TRIM33: variants seen among roughly 807,000 people sequenced by gnomAD.
TRIM33 encodes E3 ubiquitin-protein ligase TRIM33.
TRIM33 carries 20 observed loss-of-function variants against 125.4 expected under a neutral mutation model. The observed-to-expected ratio is 0.16, with a 90% CI of 0.11 to 0.23. TRIM33 has a LOEUF of 0.23. TRIM33 is among the 10% of genes least tolerant of loss of function. The probability of loss-of-function intolerance (pLI) is 1.00; values close to 1 mark genes in which losing one functional copy is unlikely to be tolerated. For synonymous variants in TRIM33, 564 were observed against 513.9 expected (o/e 1.10, Z -1.32); for missense variants, 920 against 1,411.4 (o/e 0.65, Z 5.58).
intron 1 of TRIM33, among the ~76,000 whole-genome samples, chr1:114,500,945 C>T (rs1652674498): frequency 1.5e-5 from 1 of 65,008 alleles, no homozygotes; most frequent in Non-Finnish European, 3.3e-5. Flanking sequence ...AATCCCAGCA[C>T]TTTGGGAGGC....
intron 11 of TRIM33, 94 bp from the exon 12 acceptor site, chr1:114,410,410 C>T: frequency 3.9e-6 from 5 of 1,278,482 alleles, no homozygotes; most frequent in Non-Finnish European, 5.4e-6. Context: ...TATTAATAAA[C>T]TAACAGATTA....
chr1:114,442,823 T>C (rs950860454), intron 4 of TRIM33, among the ~76,000 whole-genome samples: 1 of 152,010 alleles, frequency 6.6e-6, no homozygotes, highest in African/African-American at 2.4e-5. Context: ...GATTTACCAG[T>C]ATTCTTAAAA....
At chr1:114,445,020 A>G (rs1395411809) in intron 4 of TRIM33, among the ~76,000 whole-genome samples, 1 of 152,224 alleles carries the variant, frequency 6.6e-6, no homozygotes, top group African/African-American at 2.4e-5. Context: ...GAAAAGTACA[A>G]TAACTGAAAT....
At chr1:114,412,414 G>T (rs1278886553) in intron 11 of TRIM33, among the ~76,000 whole-genome samples, 1 of 152,152 alleles carries the variant, frequency 6.6e-6, no homozygotes, top group Non-Finnish European at 1.5e-5. Context: ...TACCTGATGT[G>T]AAAGTTTAAC....
chr1:114,399,636 A>T (rs1651749623), intron 17 of TRIM33, 27 bp from the exon 18 acceptor site: 1 of 1,541,462 alleles, frequency 6.5e-7, no homozygotes, highest in Non-Finnish European at 8.8e-7. Context: ...ATGGCAAATA[A>T]GAATTCTCCA....
chr1:114,446,019 A>G (rs571913353), intron 4 of TRIM33, among the ~76,000 whole-genome samples: 2 of 152,154 alleles, frequency 1.3e-5, no homozygotes, highest in African/African-American at 4.8e-5. Flanking sequence ...TCCCACGCCC[A>G]GCTAATTTTT....
chr1:114,465,606 GC>G (rs1557881558), intron 1 of TRIM33, among the ~76,000 whole-genome samples: 3 of 152,166 alleles, frequency 2.0e-5, no homozygotes, highest in East Asian at 1.9e-4. Flanking sequence ...TTTGAGGCCA[GC>G]CTGGACAACA....
At chr1:114,487,654 T>C (rs1374314197) in intron 1 of TRIM33, among the ~76,000 whole-genome samples, 1 of 151,374 alleles carries the variant, frequency 6.6e-6, no homozygotes, top group Middle Eastern at 3.4e-3. Flanking sequence ...TCCCAGCACT[T>C]TGGGAGGCCG....
At chr1:114,459,144 T>C (rs981915176) in intron 4 of TRIM33, among the ~76,000 whole-genome samples, 1 of 152,166 alleles carries the variant, frequency 6.6e-6, no homozygotes, top group African/African-American at 2.4e-5. Context: ...AAATGACCAA[T>C]GGCTGGGGAC....
intron 10 of TRIM33, among the ~76,000 whole-genome samples, chr1:114,424,188 T>G (rs1424867543): frequency 6.6e-6 from 1 of 152,134 alleles, no homozygotes; most frequent in Non-Finnish European, 1.5e-5. Flanking sequence ...TTAGCTCTGT[T>G]ACTCTCAAAG....
At chr1:114,495,501 A>G (rs1413413793) in intron 1 of TRIM33, among the ~76,000 whole-genome samples, 2 of 152,228 alleles carry the variant, frequency 1.3e-5, no homozygotes, top group South Asian at 2.1e-4. Context: ...TTATAGGCAA[A>G]TAAGATAACA....
chr1:114,487,903 C>CAAAAAA lies in TRIM33; in HGVS notation c.526+22642_526+22647dup, dbSNP rs573681532. 1.9e-3 allele frequency among the ~76,000 whole-genome samples: 70 copies of CAAAAAA among 36,634 alleles called. 4 individuals carry two copies. The highest frequency in any genetic ancestry group is 0.019 in the Middle Eastern group (1 of 54). 24.0% of individuals were successfully genotyped at this position (36,634 alleles called of 152,430 possible). A position where few individuals can be genotyped will look rare whatever the true frequency, so the allele number is the denominator to read the frequency against. ...TGGGCGACAGAGCGAGACTCCGTCT[C>CAAAAAA]AAAAAAAAAAAAAAAAAAAAAAAAA... On this transcript the variant is annotated intron_variant, in intron 1 of 19. Coordinates refer to ENST00000358465, the MANE Select transcript of TRIM33 (RefSeq NM_015906.4).
intron 4 of TRIM33, among the ~76,000 whole-genome samples, chr1:114,450,596 T>A (rs1344310568): frequency 1.3e-5 from 2 of 152,194 alleles, no homozygotes; most frequent in African/African-American, 4.8e-5. Context: ...TTTCACCATG[T>A]TGCCCAGGCT....
intron 1 of TRIM33, among the ~76,000 whole-genome samples, chr1:114,484,306 T>C (rs1406775597): frequency 6.6e-6 from 1 of 152,164 alleles, no homozygotes; most frequent in African/African-American, 2.4e-5. Flanking sequence ...GTTTTACTTT[T>C]TCTAAATAAT....
Position 114,427,304 on chromosome 1 carries a change from A to T in TRIM33, c.1303-10T>A, listed in dbSNP as rs111571212. ...GCAACTGGAAAGTAATCTTAAAGGG[A>T]AAAAAATCCACATTAGTCTCAAAAT... On this transcript the variant is annotated splice_polypyrimidine_tract_variant and intron_variant, in intron 7 of 19. Coordinates refer to ENST00000358465, the MANE Select transcript of TRIM33 (RefSeq NM_015906.4). 17 of 953,914 alleles carry T rather than the reference A, an allele frequency of 1.8e-5. No individual in the cohort carries two copies. The highest frequency in any genetic ancestry group is 2.3e-5 in the Non-Finnish European group (15 of 656,026). The allele number at this position is 953,914 out of a possible 1,614,324, so 59.1% of individuals were successfully genotyped here.
At chr1:114,419,993 T>A (rs1653177456) in intron 11 of TRIM33, among the ~76,000 whole-genome samples, 1 of 152,154 alleles carries the variant, frequency 6.6e-6, no homozygotes, top group African/African-American at 2.4e-5. Flanking sequence ...ACAGAAAGAA[T>A]CAAGGGTGCT....
chr1:114,402,982 A>G, intron 15 of TRIM33, 99 bp from the exon 16 acceptor site: 1 of 1,227,114 alleles, frequency 8.1e-7, no homozygotes, highest in Non-Finnish European at 1.1e-6. Context: ...TTTCTTAATA[A>G]TTTTTTGAAA....
chr1:114,438,389 C>T (rs1475752421), intron 4 of TRIM33, among the ~76,000 whole-genome samples: 4 of 152,068 alleles, frequency 2.6e-5, no homozygotes, highest in African/African-American at 7.2e-5. Context: ...TCCACTGAAT[C>T]GATCACCCAT....
intron 1 of TRIM33, chr1:114,469,308 C>T (rs773486932): frequency 2.5e-4 from 47 of 186,062 alleles, no homozygotes; most frequent in Non-Finnish European, 5.1e-4. Context: ...GATTTTACAA[C>T]GTGTGTTGTG....
Sources: gnomAD v4.1 joint callset for allele counts (sites outside exome capture counted in the v4.1 genomes callset) on GRCh38, gnomAD v4.1.1 for gene constraint, MANE v1.5 for transcripts, NCBI Gene and HGNC (gene_info 2026-07-23, HGNC 2026-07-21) for gene names.